Variants in LAMA3 observed in about 807,000 individuals in gnomAD.
The protein encoded by LAMA3 is laminin subunit alpha-3.
Under a neutral mutation model 402.0 loss-of-function variants are expected in LAMA3, and 281 were observed. That is an observed-to-expected ratio of 0.70 (90% CI 0.63 to 0.77). The LOEUF is 0.77. LAMA3 is among the 30% of genes least tolerant of loss of function. The pLI, the probability that LAMA3 is intolerant of heterozygous loss-of-function variation, is 0.00. For missense variants in LAMA3, 3,840 were observed against 4,215.5 expected (o/e 0.91, Z 2.47); for synonymous variants, 1,431 against 1,558.4 (o/e 0.92, Z 1.93).
Position 23,890,014 on chromosome 18 carries a change from T to C in LAMA3, c.5307T>C (p.Cys1769=). The change falls in exon 42 of 75, where the codon TGT becomes TGC. Residue 1769 remains cysteine (C), a synonymous_variant. Coordinates refer to ENST00000313654, the MANE Select transcript of LAMA3 (RefSeq NM_198129.4). ...AGYTGTQCER[C]APGYFGNPQK... ...CTCCTCTCTATATTTTGTGTAGGTG[T>C]GCACCGGGATATTTCGGGAATCCCC... 1 of 1,612,286 alleles carries C rather than the reference T, an allele frequency of 6.2e-7. No homozygotes were observed. The highest frequency in any genetic ancestry group is 8.5e-7 in the Non-Finnish European group (1 of 1,178,328).
chr18:23,745,973 C>T (rs1468254808), intron 2 of LAMA3, among the ~76,000 whole-genome samples: 1 of 152,178 alleles, frequency 6.6e-6, no homozygotes, highest in Non-Finnish European at 1.5e-5. Context: ...TATATTAGCT[C>T]TGATTTTCCA....
At chr18:23,829,384 T>G (rs1201952678) in intron 23 of LAMA3, among the ~76,000 whole-genome samples, 1 of 152,266 alleles carries the variant, frequency 6.6e-6, no homozygotes, top group East Asian at 1.9e-4. Context: ...TTGGCTTATT[T>G]TGAATGAGAG....
At chr18:23,829,064 C>A (rs2063442751) in intron 23 of LAMA3, among the ~76,000 whole-genome samples, 1 of 152,112 alleles carries the variant, frequency 6.6e-6, no homozygotes, top group Non-Finnish European at 1.5e-5. Context: ...TAATATTTCT[C>A]CAGTGAAAAG....
chr18:23,940,660 A>G (rs1236922320), intron 68 of LAMA3, among the ~76,000 whole-genome samples: 1 of 152,204 alleles, frequency 6.6e-6, no homozygotes, highest in African/African-American at 2.4e-5. Flanking sequence ...GTGAGCATGC[A>G]TCACAGGCAG....
intron 2 of LAMA3, among the ~76,000 whole-genome samples, chr18:23,744,628 G>A (rs2061616952): frequency 6.6e-6 from 1 of 151,984 alleles, no homozygotes; most frequent in African/African-American, 2.4e-5. Context: ...TCAGGAGATC[G>A]AGACCATCCT....
intron 21 of LAMA3, 30 bp from the exon 22 acceptor site, chr18:23,826,672 A>T: frequency 7.1e-7 from 1 of 1,414,510 alleles, no homozygotes; most frequent in Non-Finnish European, 9.8e-7. Flanking sequence ...ATCAAAATGA[A>T]TGATTCTCCT....
At chr18:23,799,621 CGCA>C (rs2062831267) in intron 12 of LAMA3, among the ~76,000 whole-genome samples, 2 of 152,252 alleles carry the variant, frequency 1.3e-5, no homozygotes, top group African/African-American at 4.8e-5. Context: ...CCCTAATGCC[CGCA>C]TGGATGTTTT....
chr18:23,907,129 A>G (rs751281245), intron 52 of LAMA3, among the ~76,000 whole-genome samples: 3 of 152,218 alleles, frequency 2.0e-5, no homozygotes, highest in Non-Finnish European at 4.4e-5. Context: ...TAATTCATTC[A>G]TTCACTCATG....
At chr18:23,776,056 A>T in intron 10 of LAMA3, 133 bp downstream of exon 10, 1 of 908,270 alleles carries the variant, frequency 1.1e-6, no homozygotes, top group South Asian at 1.3e-5. Context: ...GTATTTATGT[A>T]AAAGTGTTTC....
At chr18:23,714,155 A>G (rs1365934612) in intron 2 of LAMA3, 83 bp downstream of exon 2, 21 of 1,170,514 alleles carry the variant, frequency 1.8e-5, no homozygotes, top group Middle Eastern at 2.1e-4. Flanking sequence ...AATTATTGTA[A>G]AAAAAAAACA....
At chr18:23,900,360 C>T (rs115617146) in intron 47 of LAMA3, among the ~76,000 whole-genome samples, 462 of 152,266 alleles carry the variant, frequency 3.0e-3, no homozygotes, top group African/African-American at 0.01. Flanking sequence ...CGTGAGCCAC[C>T]GCACCCAGCC....
intron 1 of LAMA3, 150 bp downstream of exon 1, chr18:23,690,127 C>A: frequency 1.6e-6 from 1 of 643,734 alleles, no homozygotes; most frequent in Non-Finnish European, 2.5e-6. Flanking sequence ...CGCGAGGGCC[C>A]ACGACCCAGG....
intron 8 of LAMA3, among the ~76,000 whole-genome samples, chr18:23,767,915 T>C (rs2062111928): frequency 6.6e-6 from 1 of 152,098 alleles, no homozygotes; most frequent in African/African-American, 2.4e-5. Flanking sequence ...AAGATAGTTG[T>C]CTCTCCATGT....
At chr18:23,824,387 A>C (rs1403642843) in intron 20 of LAMA3, 36 bp from the exon 21 acceptor site, 1 of 1,611,064 alleles carries the variant, frequency 6.2e-7, no homozygotes, top group Non-Finnish European at 8.5e-7. Flanking sequence ...TGACTGATAG[A>C]AAAATGCCTT....
intron 12 of LAMA3, among the ~76,000 whole-genome samples, chr18:23,794,738 G>A (rs1329310568): frequency 6.6e-6 from 1 of 152,200 alleles, no homozygotes; most frequent in Non-Finnish European, 1.5e-5. Context: ...AGCAGGAGTT[G>A]TGCTTGTTGA....
chr18:23,904,089 T>G lies in LAMA3; in HGVS notation c.6473+2T>G. The G allele has an allele frequency of 6.2e-7, 1 of 1,612,742 alleles. No individual in the cohort carries two copies. The highest frequency in any genetic ancestry group is 8.5e-7 in the Non-Finnish European group (1 of 1,179,852). On this transcript the variant is annotated splice_donor_variant, in intron 50 of 74. Coordinates refer to ENST00000313654, the MANE Select transcript of LAMA3 (RefSeq NM_198129.4). LOFTEE classifies it high-confidence loss of function. ...AGAGCTGGCAAAGCAGCTGGAAGAG[T>G]GAGTGCATGGCCCAGGAGACCAGAA... is the stretch of plus-strand genomic sequence containing the variant.
intron 2 of LAMA3, among the ~76,000 whole-genome samples, chr18:23,729,050 A>G (rs1403386020): frequency 7.0e-6 from 1 of 142,370 alleles, no homozygotes. Context: ...AAAAAAAAAA[A>G]GAATGAAGGA....
At chr18:23,710,155 G>C in intron 1 of LAMA3, 1 of 681,170 alleles carries the variant, frequency 1.5e-6, no homozygotes, top group East Asian at 3.0e-5. Context: ...GCCGCCGGAA[G>C]GTGGGTGACG....
rs763309294 is a variant in LAMA3 at position 23,933,782 on chromosome 18, G to T, written c.8709G>T (p.Arg2903Ser). 21 of 1,614,066 alleles carry T rather than the reference G, an allele frequency of 1.3e-5. No individual in the cohort carries two copies. The South Asian group carries it at 2.3e-4, about 18-fold the overall frequency. The change falls in exon 67 of 75, where the codon AGG becomes AGT. Residue 2903 changes from arginine (R) to serine (S), a missense_variant and splice_region_variant. This residue lies in a region of LAMA3 where 840 missense variants were observed against 981.9 expected (regional missense o/e 0.86). Coordinates refer to ENST00000313654, the MANE Select transcript of LAMA3 (RefSeq NM_198129.4). ...EGCISNVFVQ[R>S]LSLSPEVLDL... is the part of the protein sequence containing the mutation. ...TCTTTCATTTCTGCTCTTTTTCCAG[G>T]TTATCACTGAGTCCTGAAGTCCTAG...
Sources: gnomAD v4.1 joint callset for allele counts (sites outside exome capture counted in the v4.1 genomes callset) on GRCh38, gnomAD v4.1.1 for gene constraint, gnomAD v4.1.1 regional missense constraint, MANE v1.5 for transcripts, NCBI Gene and HGNC (gene_info 2026-07-23, HGNC 2026-07-21) for gene names.